UNKL: variants seen among roughly 807,000 people sequenced by gnomAD.
UNKL encodes the protein unk like zinc finger.
Under a neutral mutation model 78.0 loss-of-function variants are expected in UNKL, and 60 were observed. The observed-to-expected ratio is 0.77, with a 90% CI of 0.63 to 0.95. UNKL has a LOEUF of 0.95. Ranked by LOEUF, UNKL falls within the 40% of genes least tolerant of loss-of-function variation. The pLI, the probability that UNKL is intolerant of heterozygous loss-of-function variation, is 0.00. For synonymous variants in UNKL, 608 were observed against 474.8 expected, an observed-to-expected ratio of 1.28 and a Z score of -3.65; for missense variants, 1,159 against 1,045.7, an observed-to-expected ratio of 1.11 and a Z score of -1.49.
intron 10 of UNKL, among the ~76,000 whole-genome samples, chr16:1,376,740 C>A (rs1264389273): frequency 6.6e-6 from 1 of 152,000 alleles, no homozygotes; most frequent in Non-Finnish European, 1.5e-5. Flanking sequence ...GCGGATAGCA[C>A]GGAACCCCTA....
At chr16:1,393,871 C>T (rs1371231701) in intron 7 of UNKL, among the ~76,000 whole-genome samples, 6 of 152,192 alleles carry the variant, frequency 3.9e-5, no homozygotes, top group African/African-American at 7.2e-5. Flanking sequence ...AGGGCCCCAG[C>T]GTGCCTGAAG....
At position 1,367,125 on chromosome 16, in the gene UNKL, ACT is replaced by A. The variant is rs1162320142; in HGVS notation, c.2011_2012del (p.Gln672AlafsTer42). 7 of 1,590,948 alleles carry A rather than the reference ACT, an allele frequency of 4.4e-6. No homozygotes were observed. The highest frequency in any genetic ancestry group is 2.3e-5 in the East Asian group (1 of 43,894). On this transcript the variant is annotated frameshift_variant, in exon 14 of 15. Transcript: ENST00000389221. LOFTEE classifies it low-confidence loss of function (END_TRUNC). ...CCGCCTCCAGGTCCAGGCGCAGCTG[ACT>A]CTGCAGCGAGTGCAGCTTCGGCAGG... ...IPLPKLHSLQ[S>X]QLRLDLEAVD... is the part of the protein sequence containing the mutation.
intron 10 of UNKL, chr16:1,384,067 C>CCTGTCCTG: frequency 5.2e-6 from 1 of 190,886 alleles, no homozygotes; most frequent in South Asian, 9.0e-5. Flanking sequence ...CCCTGAGTCC[C>CCTGTCCTG]TCACTGTCAC....
At position 1,394,202 on chromosome 16, in the gene UNKL, G is replaced by C; in HGVS notation, c.866C>G (p.Thr289Arg). 6.4e-7 allele frequency: 1 copy of C among 1,550,688 alleles called. No homozygotes were observed. The highest frequency in any genetic ancestry group is 8.7e-7 in the Non-Finnish European group (1 of 1,147,000). The change falls in exon 7 of 15, where the codon ACA (threonine) becomes AGA (arginine). Residue 289 changes from threonine to arginine, a missense_variant. Physicochemically the swap from Thr to Arg is moderately conservative, Grantham distance 71. Coordinates refer to ENST00000389221, the MANE Select transcript of UNKL (RefSeq NM_001372107.1). ...QQFHPEIYKSTKCNDMRQTGY... is the reference protein window; with the variant it reads ...QQFHPEIYKSRKCNDMRQTGY... Reference sequence around the variant, plus strand: ...GGTTTGGCGCATGTCGTTGCATTTTGTAGATTTGTAGATCTGGGGAAAAAA... The same window carrying C: ...GGTTTGGCGCATGTCGTTGCATTTTCTAGATTTGTAGATCTGGGGAAAAAA...
Position 1,366,095 on chromosome 16 carries a change from C to T in UNKL, c.*145G>A. ...GTCAGGCCAAGCGCAGGCGGGGCTC[C>T]CAGCCTCATGATAACGTGTAACAGG... On this transcript the variant is annotated 3_prime_UTR_variant, in exon 15 of 15. Transcript: ENST00000389221. 1 of 1,025,388 alleles carries T rather than the reference C, an allele frequency of 9.8e-7. No homozygotes were observed. The highest frequency in any genetic ancestry group is 3.0e-5 in the East Asian group (1 of 33,728). The allele number at this position is 1,025,388 out of a possible 1,614,324, so 63.5% of individuals were successfully genotyped here.
chr16:1,401,096 T>C (rs2037504756), intron 4 of UNKL, among the ~76,000 whole-genome samples: 1 of 152,094 alleles, frequency 6.6e-6, no homozygotes, highest in Admixed American at 6.5e-5. Flanking sequence ...CTGGTCCATA[T>C]GTTTCTGGCC....
chr16:1,385,120 T>C, intron 10 of UNKL, 88 bp downstream of exon 10: 1 of 1,029,896 alleles, frequency 9.7e-7, no homozygotes, highest in South Asian at 4.6e-5. Flanking sequence ...TTCTGTAACA[T>C]GTCCTGAAAT....
intron 12 of UNKL, among the ~76,000 whole-genome samples, chr16:1,369,567 C>CGGTTGGT (rs1266540584): frequency 6.6e-6 from 1 of 152,052 alleles, no homozygotes; most frequent in Non-Finnish European, 1.5e-5. Context: ...TGGGGTTTCT[C>CGGTTGGT]CATGTTGGTC....
intron 9 of UNKL, among the ~76,000 whole-genome samples, 175 bp downstream of exon 9, chr16:1,390,457 G>A (rs943933729): frequency 7.9e-5 from 12 of 152,216 alleles, no homozygotes; most frequent in Admixed American, 3.9e-4. Flanking sequence ...CCAGGAAAGA[G>A]CTAATTCTAC....
chr16:1,410,281 AG>A (rs2037978980), intron 2 of UNKL, among the ~76,000 whole-genome samples: 1 of 143,572 alleles, frequency 7.0e-6, no homozygotes, highest in African/African-American at 2.6e-5. Context: ...AAAAAAAAAA[AG>A]AGAGAAAAAG....
chr16:1,400,823 G>A (rs2037493382), intron 4 of UNKL, among the ~76,000 whole-genome samples: 3 of 151,968 alleles, frequency 2.0e-5, no homozygotes, highest in African/African-American at 7.3e-5. Context: ...AAGTAGCTGG[G>A]ATTACAGGCG....
chr16:1,396,802 T>C (rs1004353357), intron 6 of UNKL, among the ~76,000 whole-genome samples: 1 of 152,066 alleles, frequency 6.6e-6, no homozygotes, highest in African/African-American at 2.4e-5. Context: ...GCCAGGATGG[T>C]CTTGATCTCT....
intron 12 of UNKL, among the ~76,000 whole-genome samples, chr16:1,368,852 G>C (rs1273442735): frequency 6.6e-6 from 1 of 152,062 alleles, no homozygotes; most frequent in East Asian, 1.9e-4. Flanking sequence ...AGTGAGCCAA[G>C]ATTGCTGGAG....
intron 8 of UNKL, among the ~76,000 whole-genome samples, 174 bp downstream of exon 8, chr16:1,392,717 G>T (rs1360950360): frequency 6.6e-6 from 1 of 152,248 alleles, no homozygotes; most frequent in East Asian, 1.9e-4. Flanking sequence ...TGACAGGCGT[G>T]AGCCACTGCC....
chr16:1,414,394 G>A (rs928752200), intron 1 of UNKL, among the ~76,000 whole-genome samples: 4 of 152,204 alleles, frequency 2.6e-5, no homozygotes, highest in East Asian at 1.9e-4. Context: ...TCCCTCCCCA[G>A]AGGCGCGTGG....
At position 1,366,304 on chromosome 16, in the gene UNKL, C is replaced by T. The variant is rs1355978781; in HGVS notation, c.2138G>A (p.Cys713Tyr). 1 of 1,601,600 alleles carries T rather than the reference C, an allele frequency of 6.2e-7. No homozygotes were observed. Among genetic ancestry groups the T allele is most frequent in the Non-Finnish European group, 8.5e-7 (1 of 1,175,452 alleles). ...VLRPCQHHIL[C>Y]EPCAATAPEC... The stretch of plus-strand genomic sequence containing the variant: ...AGGTGCGGTGGCCGCACACGGCTCA[C>T]AGAGGATGTGGTGCTGACAGGGCCG... Residue 713 changes from cysteine (C) to tyrosine (Y), a missense_variant, in exon 15 of 15, where the codon TGT (cysteine) becomes TAT (tyrosine). Coordinates refer to ENST00000389221, the MANE Select transcript of UNKL (RefSeq NM_001372107.1).
At chr16:1,406,384 T>C (rs1373730481) in intron 2 of UNKL, among the ~76,000 whole-genome samples, 1 of 152,122 alleles carries the variant, frequency 6.6e-6, no homozygotes, top group Non-Finnish European at 1.5e-5. Context: ...GGCTAATTTT[T>C]GTATATTTAG....
rs2037164874 is a variant in UNKL, at chr16:1,394,219, G to A, written c.853-4C>T. ...TGCATTTTGTAGATTTGTAGATCTG[G>A]GGAAAAAAGTGAAATAAAGAGGTTG... is the stretch of plus-strand genomic sequence containing the variant. On this transcript the variant is annotated splice_region_variant and splice_polypyrimidine_tract_variant and intron_variant, in intron 6 of 14. Transcript: ENST00000389221. The A allele has an allele frequency of 1.9e-6, 3 of 1,550,624 alleles. No homozygotes were observed. Among genetic ancestry groups the A allele is most frequent in the Non-Finnish European group, 2.6e-6 (3 of 1,146,984 alleles).
At chr16:1,369,988 C>A (rs970432854) in intron 12 of UNKL, 142 bp downstream of exon 12, 1 of 1,550,994 alleles carries the variant, frequency 6.4e-7, no homozygotes, top group African/African-American at 1.4e-5. Context: ...CGTGGGGGAA[C>A]CTGTGAGCAG....
Sources: allele counts gnomAD v4.1 joint callset (sites outside exome capture counted in the v4.1 genomes callset), GRCh38; gene constraint gnomAD v4.1.1; transcripts MANE v1.5; gene names NCBI Gene and HGNC (gene_info 2026-07-23, HGNC 2026-07-21).